The following PABPC4L variants were observed in gnomAD, a reference collection of about 807,000 sequenced individuals.
PABPC4L encodes the protein poly(A) binding protein cytoplasmic 4 like.
For synonymous variants in PABPC4L, 169 were observed against 164.1 expected (o/e 1.03, Z -0.23); for missense variants, 452 against 451.4 (o/e 1.00, Z -0.01).
At chr4:134,141,134 A>G in the PABPC4L span, among the ~76,000 whole-genome samples, 10 of 151,832 alleles carry the variant, frequency 6.6e-5, no homozygotes, top group African/African-American at 2.2e-4. Flanking sequence ...AGTACAAAAT[A>G]ACCCTTAGAA....
In PABPC4L at chr4:134,199,418, T is replaced by C. The variant is rs1389961548; in HGVS notation, c.*489A>G. 6.6e-6 allele frequency: 1 copy of C among 152,274 alleles called. No individual in the cohort carries two copies. Among genetic ancestry groups the C allele is most frequent in the African/African-American group, 2.4e-5 (1 of 41,452 alleles). 9.4% of individuals were successfully genotyped at this position (152,274 alleles called of 1,614,324 possible). ...TCAAAATGAAATTAGGTCTTTAAAT[T>C]CGTACTATAAATTTCTAAAAGTTTG... is the stretch of plus-strand genomic sequence containing the variant. On this transcript the variant is annotated 3_prime_UTR_variant, in exon 2 of 2. Transcript: ENST00000421491.
At chr4:134,149,970 TG>T in the PABPC4L span, among the ~76,000 whole-genome samples, 10 of 152,238 alleles carry the variant, frequency 6.6e-5, no homozygotes, top group South Asian at 1.9e-3. Flanking sequence ...GAGCCCATAT[TG>T]GGCCCAGGAA....
the PABPC4L span, among the ~76,000 whole-genome samples, chr4:134,144,259 C>A: frequency 6.6e-6 from 1 of 151,480 alleles, no homozygotes; most frequent in Non-Finnish European, 1.5e-5. Context: ...TTCAACTGAA[C>A]AATTGTGGTA....
the PABPC4L span, among the ~76,000 whole-genome samples, chr4:134,148,558 C>T: frequency 3.7e-3 from 569 of 152,180 alleles, 2 homozygotes; most frequent in African/African-American, 0.013. Flanking sequence ...ACAAATTATA[C>T]TTTCATGCCT....
the PABPC4L span, among the ~76,000 whole-genome samples, chr4:134,015,598 C>T: frequency 2.0e-5 from 3 of 152,098 alleles, no homozygotes; most frequent in Admixed American, 6.6e-5. Context: ...TTACCTATCT[C>T]GGCATAATTC....
chr4:134,013,866 C>T, the PABPC4L span, among the ~76,000 whole-genome samples: 1 of 151,870 alleles, frequency 6.6e-6, no homozygotes. Flanking sequence ...CCTCAGGCTC[C>T]ACTCCTCCAC....
At chr4:134,112,600 ATC>A in the PABPC4L span, among the ~76,000 whole-genome samples, 7 of 151,570 alleles carry the variant, frequency 4.6e-5, no homozygotes, top group South Asian at 2.1e-4. Flanking sequence ...CTATCTATCT[ATC>A]TATCTATCTA....
At chr4:133,989,938 A>G in the PABPC4L span, among the ~76,000 whole-genome samples, 5 of 152,156 alleles carry the variant, frequency 3.3e-5, no homozygotes, top group Non-Finnish European at 2.9e-5. Context: ...AAAGCAGAGC[A>G]CAAAGTGAAG....
chr4:134,177,184 TTC>T, the PABPC4L span, among the ~76,000 whole-genome samples: 1,553 of 76,504 alleles, frequency 0.02, 64 homozygotes, highest in Admixed American at 0.087. Context: ...TTCTTTTCTT[TTC>T]TTTTTTTTTT....
At chr4:134,005,410 G>A in the PABPC4L span, among the ~76,000 whole-genome samples, 1 of 151,858 alleles carries the variant, frequency 6.6e-6, no homozygotes, top group Non-Finnish European at 1.5e-5. Context: ...TTAAGGAAGA[G>A]ATGTGATTGT....
At chr4:134,010,913 A>G in the PABPC4L span, among the ~76,000 whole-genome samples, 1 of 152,180 alleles carries the variant, frequency 6.6e-6, no homozygotes, top group Admixed American at 6.5e-5. Context: ...TTAATAGTTG[A>G]CATAAGGGAA....
the PABPC4L span, among the ~76,000 whole-genome samples, chr4:134,106,235 G>C: frequency 0.025 from 3,744 of 151,524 alleles, 131 homozygotes; most frequent in African/African-American, 0.084. Context: ...CATGCTCCTG[G>C]TGCTTTCCCA....
the PABPC4L span, among the ~76,000 whole-genome samples, chr4:134,077,837 A>C: frequency 6.6e-6 from 1 of 152,134 alleles, no homozygotes; most frequent in Non-Finnish European, 1.5e-5. Flanking sequence ...TCATGTTTGC[A>C]ATTATGTGAC....
At chr4:134,113,786 G>A in the PABPC4L span, among the ~76,000 whole-genome samples, 1 of 151,834 alleles carries the variant, frequency 6.6e-6, no homozygotes, top group Middle Eastern at 3.2e-3. Context: ...CAAAATGTAG[G>A]AGAAAGTCAC....
At chr4:134,178,623 C>T in the PABPC4L span, among the ~76,000 whole-genome samples, 1 of 151,872 alleles carries the variant, frequency 6.6e-6, no homozygotes, top group Admixed American at 6.6e-5. Context: ...ATAGTTGAAA[C>T]CCAAACCAAG....
the PABPC4L span, among the ~76,000 whole-genome samples, chr4:133,953,483 T>C: frequency 6.6e-6 from 1 of 152,196 alleles, no homozygotes; most frequent in Admixed American, 6.5e-5. Context: ...AAATTAACAT[T>C]TAAAAGATCT....
At chr4:134,019,993 G>A in the PABPC4L span, among the ~76,000 whole-genome samples, 1 of 152,074 alleles carries the variant, frequency 6.6e-6, no homozygotes, top group South Asian at 2.1e-4. Flanking sequence ...TGGCCAGAAT[G>A]TATAAATCAA....
chr4:134,035,950 A>G, the PABPC4L span, among the ~76,000 whole-genome samples: 1 of 152,006 alleles, frequency 6.6e-6, no homozygotes, highest in Non-Finnish European at 1.5e-5. Context: ...AAACCATCAG[A>G]TCTCATTAGA....
chr4:134,181,862 A>G, the PABPC4L span, among the ~76,000 whole-genome samples: 1 of 151,980 alleles, frequency 6.6e-6, no homozygotes, highest in Non-Finnish European at 1.5e-5. Context: ...CTACTTAAAT[A>G]AAACACAGAT....
Sources: gnomAD v4.1 joint callset for allele counts (sites outside exome capture counted in the v4.1 genomes callset) on GRCh38, gnomAD v4.1.1 for gene constraint, MANE v1.5 for transcripts, NCBI Gene and HGNC (gene_info 2026-07-23, HGNC 2026-07-21) for gene names.